The following UCP2 variants were observed in gnomAD, a reference collection of about 807,000 sequenced individuals.
UCP2 encodes uncoupling protein 2.
Under a neutral mutation model 31.3 loss-of-function variants are expected in UCP2, and 27 were observed. That is an observed-to-expected ratio of 0.86 (90% CI 0.64 to 1.19). The LOEUF is 1.19. Among genes scored for constraint, UCP2 ranks in the 50% most tolerant of loss-of-function variants. UCP2 has a pLI of 0.00. For missense variants in UCP2, 377 were observed against 413.5 expected, an observed-to-expected ratio of 0.91 and a Z score of 0.76; for synonymous variants, 142 against 157.4, an observed-to-expected ratio of 0.90 and a Z score of 0.73.
In UCP2 at chr11:73,978,094, G is replaced by A. The variant is rs762284120; in HGVS notation, c.129C>T (p.Ile43=). ...PLDTAKVRLQ[I]QGESQGPVRA... is the part of the protein sequence containing the mutation. ...GCACTGGCCCCTGACTTTCTCCTTG[G>A]ATCTGCAAGGCCAAGACAGGGTAGC... The change falls in exon 4 of 8, where the codon ATC becomes ATT. Residue 43 remains isoleucine, a splice_region_variant and synonymous_variant. Coordinates refer to ENST00000663595, the MANE Select transcript of UCP2 (RefSeq NM_003355.3). 6.2e-7 allele frequency: 1 copy of A among 1,614,066 alleles called. No individual in the cohort carries two copies.
In UCP2 at chr11:73,978,001, G is replaced by C. The variant is rs1376131709; in HGVS notation, c.222C>G (p.Gly74=). The C allele has an allele frequency of 6.2e-7, 1 of 1,614,206 alleles. No homozygotes were observed. Among genetic ancestry groups the C allele is most frequent in the Admixed American group, 1.7e-5 (1 of 60,024 alleles). The change falls in exon 4 of 8, where the codon GGC becomes GGG. Residue 74 remains glycine, a synonymous_variant. Transcript: ENST00000663595. ...CCAGCCCATTGTAGAGGCTTCGGGGGCCCTCAGTACGCACCATGGTCAGAA... is the reference window on the plus strand; with the variant it reads ...CCAGCCCATTGTAGAGGCTTCGGGGCCCCTCAGTACGCACCATGGTCAGAA... The part of the protein sequence containing the change: ...GTILTMVRTE[G]PRSLYNGLVA...
intron 2 of UCP2, chr11:73,978,782 A>G (rs942556184): frequency 6.2e-6 from 2 of 321,322 alleles, no homozygotes; most frequent in African/African-American, 4.3e-5. Flanking sequence ...TGCTGTATGC[A>G]GAGATTTCAC....
chr11:73,975,579 T>C lies in UCP2; in HGVS notation c.727A>G (p.Met243Val), dbSNP rs556448485. ...CTGTACTGGCCCAGGGCAGAGTTCA[T>C]GTATCTCGTCTTGACCACGTCTACA... ...SPVDVVKTRY[M>V]NSALGQYSSA... The change falls in exon 7 of 8, where the codon ATG (methionine) becomes GTG (valine). Residue 243 changes from methionine to valine, a missense_variant. Transcript: ENST00000663595. 6.8e-6 allele frequency: 11 copies of C among 1,614,174 alleles called. No homozygotes were observed. The highest frequency in any genetic ancestry group is 1.3e-5 in the African/African-American group (1 of 75,044).
chr11:73,976,619 C>T lies in UCP2; in HGVS notation c.634+22G>A, dbSNP rs1176230161. 1.9e-6 allele frequency: 3 copies of T among 1,599,340 alleles called. No individual in the cohort carries two copies. The East Asian group carries it at 6.7e-5, about 36-fold the overall frequency. On this transcript the variant is annotated intron_variant, in intron 6 of 7. Transcript: ENST00000663595. ...GGCATGGGGGAAGGGTGAGACCCAG[C>T]ACCGTCTACCTCATGACTCACCTGT... is the stretch of plus-strand genomic sequence containing the variant.
At position 73,978,874 on chromosome 11, in the gene UCP2, C is replaced by T. The variant is rs45560836; in HGVS notation, c.-99-397G>A. Reference sequence around the variant, plus strand: ...GAAAAGTTTCACCCAGACTAAGACCCAACAGGCACAGACCCATAGGCTTAT... The same window carrying T: ...GAAAAGTTTCACCCAGACTAAGACCTAACAGGCACAGACCCATAGGCTTAT... On this transcript the variant is annotated intron_variant, in intron 2 of 7. Transcript: ENST00000663595. 2.3e-3 allele frequency: 624 copies of T among 269,460 alleles called. 4 individuals carry two copies. The highest frequency in any genetic ancestry group is 0.013 in the African/African-American group (589 of 45,116). The allele number at this position is 269,460 out of a possible 1,614,324, so 16.7% of individuals were successfully genotyped here.
chr11:73,978,130 A>G (rs1174418615), intron 3 of UCP2, 34 bp from the exon 4 acceptor site: 13 of 1,613,852 alleles, frequency 8.1e-6, no homozygotes, highest in Non-Finnish European at 1.1e-5. Context: ...TACAGGGATA[A>G]GCATGTTGCC....
intron 2 of UCP2, 152 bp from the exon 3 acceptor site, chr11:73,978,629 A>C: frequency 2.0e-6 from 1 of 505,566 alleles, no homozygotes. Context: ...CTCGAGAGGC[A>C]CTCAGTTAGG....
rs114649509 is a variant in UCP2 at position 73,975,005 on chromosome 11, G to A, written c.*2C>T. 2 of 1,578,446 alleles carry A rather than the reference G, an allele frequency of 1.3e-6. No individual in the cohort carries two copies. The highest frequency in any genetic ancestry group is 1.7e-6 in the Non-Finnish European group (2 of 1,160,408). On this transcript the variant is annotated 3_prime_UTR_variant, in exon 8 of 8. Coordinates refer to ENST00000663595, the MANE Select transcript of UCP2 (RefSeq NM_003355.3). ...GGTGATCAGGTCAGCAGCAGGAGAG[G>A]CTCAGAAGGGAGCCTCTCGGGAAGT...
Position 73,974,823 on chromosome 11 carries a change from C to T in UCP2, c.*184G>A. ...CACTGTCAAATGTCAACTCCACCAG[C>T]ACTGAGACAATGAGTAGATGAGAAT... is the stretch of plus-strand genomic sequence containing the variant. On this transcript the variant is annotated 3_prime_UTR_variant, in exon 8 of 8. Coordinates refer to ENST00000663595, the MANE Select transcript of UCP2 (RefSeq NM_003355.3). The T allele has an allele frequency of 2.6e-6, 1 of 381,506 alleles. No individual in the cohort carries two copies. Among genetic ancestry groups the T allele is most frequent in the Non-Finnish European group, 5.0e-6 (1 of 200,272 alleles). The allele number at this position is 381,506 out of a possible 1,614,324, so 23.6% of individuals were successfully genotyped here. A position where few individuals can be genotyped will look rare whatever the true frequency, so the allele number is the denominator to read the frequency against.
intron 3 of UCP2, 45 bp downstream of exon 3, chr11:73,978,208 G>A (rs1951393041): frequency 6.2e-7 from 1 of 1,613,960 alleles, no homozygotes; most frequent in Non-Finnish European, 8.5e-7. Context: ...TTTGGGGAGG[G>A]AACAGAGTAG....
At position 73,974,897 on chromosome 11, in the gene UCP2, G is replaced by C. The variant is rs1951313302; in HGVS notation, c.*110C>G. ...TAAAGGAGCGGAAGGAAGAGGTGGG[G>C]AAAGAGGGAAGGAGAGAAGGGAAGG... On this transcript the variant is annotated 3_prime_UTR_variant, in exon 8 of 8. Coordinates refer to ENST00000663595, the MANE Select transcript of UCP2 (RefSeq NM_003355.3). 2.1e-6 allele frequency: 2 copies of C among 940,772 alleles called. No individual in the cohort carries two copies. The highest frequency in any genetic ancestry group is 4.0e-5 in the Admixed American group (2 of 50,098). 58.3% of individuals were successfully genotyped at this position (940,772 alleles called of 1,614,324 possible). A position where few individuals can be genotyped will look rare whatever the true frequency, so the allele number is the denominator to read the frequency against.
intron 6 of UCP2, 31 bp from the exon 7 acceptor site, chr11:73,975,702 GA>G: frequency 6.2e-7 from 1 of 1,613,448 alleles, no homozygotes; most frequent in Non-Finnish European, 8.5e-7. Flanking sequence ...AGGCAGTCAA[GA>G]TCTTCACCCA....
rs1172512356 is a variant in UCP2 at position 73,978,752 on chromosome 11, C to T, written c.-99-275G>A. On this transcript the variant is annotated intron_variant, in intron 2 of 7. Transcript: ENST00000663595. ...CTCCTAGCGCTGCCTCATAAACAGC[C>T]ACTGGACCAGCCCTTTGTCTGCTGT... The T allele has an allele frequency of 2.3e-5, 8 of 345,820 alleles. No individual in the cohort carries two copies. The East Asian group carries it at 6.1e-4, about 26-fold the overall frequency. The allele number at this position is 345,820 out of a possible 1,614,324, so 21.4% of individuals were successfully genotyped here.
intron 6 of UCP2, among the ~76,000 whole-genome samples, chr11:73,976,077 CAAG>C (rs1565183282): frequency 6.6e-6 from 1 of 151,942 alleles, no homozygotes; most frequent in Admixed American, 6.6e-5. Flanking sequence ...AAAAAACAAA[CAAG>C]AGGATGGGGC....
chr11:73,978,577 A>G, intron 2 of UCP2, 100 bp from the exon 3 acceptor site: 2 of 723,178 alleles, frequency 2.8e-6, no homozygotes, highest in East Asian at 5.9e-5. Context: ...CAAGTCCCTC[A>G]GCAAGACTCC....
rs750996940 is a variant in UCP2 at position 73,976,935 on chromosome 11, TACC to T, written c.417_419del (p.Val140del). 2 of 1,612,948 alleles carry T rather than the reference TACC, an allele frequency of 1.2e-6. No homozygotes were observed. Among genetic ancestry groups the T allele is most frequent in the Non-Finnish European group, 1.7e-6 (2 of 1,178,990 alleles). ...GGGCCTGAGCTTGGAATCGGACCTTTACCACATCCGTGGGCTGGGCCACAGCCA... is the reference window on the plus strand; with the variant it reads ...GGGCCTGAGCTTGGAATCGGACCTTTACATCCGTGGGCTGGGCCACAGCCA... On this transcript the variant is annotated inframe_deletion, in exon 5 of 8. Transcript: ENST00000663595.
intron 6 of UCP2, 111 bp from the exon 7 acceptor site, chr11:73,975,782 C>T (rs973561669): frequency 7.3e-7 from 1 of 1,364,980 alleles, no homozygotes; most frequent in Admixed American, 1.9e-5. Flanking sequence ...GACAGAGAGG[C>T]TGGGCACAAT....
At chr11:73,980,066 T>C (rs1951426870) in intron 2 of UCP2, 1 of 152,184 alleles carries the variant, frequency 6.6e-6, no homozygotes, top group African/African-American at 2.4e-5. Flanking sequence ...TGAAGAGTGA[T>C]AAAGTAAACC....
chr11:73,978,514 G>A, intron 2 of UCP2, 37 bp from the exon 3 acceptor site: 1 of 1,299,070 alleles, frequency 7.7e-7, no homozygotes, highest in Non-Finnish European at 1.1e-6. Flanking sequence ...TAGCCACAAT[G>A]TCCCCAGGCC....
Sources: allele counts gnomAD v4.1 joint callset (sites outside exome capture counted in the v4.1 genomes callset), GRCh38; gene constraint gnomAD v4.1.1; transcripts MANE v1.5; gene names NCBI Gene and HGNC (gene_info 2026-07-23, HGNC 2026-07-21).